SLC14A1: variants seen among roughly 807,000 people sequenced by gnomAD.
SLC14A1 encodes urea transporter 1.
Under a neutral mutation model 39.6 loss-of-function variants are expected in SLC14A1, and 36 were observed. That is an observed-to-expected ratio of 0.91 (90% CI 0.70 to 1.20). The LOEUF (loss-of-function observed/expected upper bound fraction) is 1.20. Among genes scored for constraint, SLC14A1 ranks in the 50% most tolerant of loss-of-function variants. SLC14A1 has a pLI of 0.00. For missense variants in SLC14A1, 469 were observed against 478.7 expected, an observed-to-expected ratio of 0.98 and a Z score of 0.19; for synonymous variants, 164 against 173.6, an observed-to-expected ratio of 0.94 and a Z score of 0.43.
chr18:45,745,115 C>T (rs962229148), intron 8 of SLC14A1, among the ~76,000 whole-genome samples: 6 of 152,154 alleles, frequency 3.9e-5, no homozygotes, highest in South Asian at 2.1e-4. Flanking sequence ...TGGTAGCACG[C>T]GCCTATAGTC....
intron 5 of SLC14A1, among the ~76,000 whole-genome samples, chr18:45,735,049 G>A (rs1157152511): frequency 6.6e-6 from 1 of 152,092 alleles, no homozygotes; most frequent in Non-Finnish European, 1.5e-5. Context: ...ATGAAGATAC[G>A]AGTGCAGGTG....
intron 8 of SLC14A1, among the ~76,000 whole-genome samples, chr18:45,744,577 A>G (rs1012043040): frequency 6.6e-6 from 1 of 151,938 alleles, no homozygotes; most frequent in Admixed American, 6.6e-5. Context: ...GACTCTCTGA[A>G]TTTTCTCTTT....
chr18:45,730,438 G>C lies in SLC14A1; in HGVS notation c.118G>C (p.Gly40Arg). The C allele has an allele frequency of 6.2e-7, 1 of 1,614,160 alleles. No homozygotes were observed. Among genetic ancestry groups the C allele is most frequent in the Non-Finnish European group, 8.5e-7 (1 of 1,180,018 alleles). Reference sequence around the variant, plus strand: ...CCCCAAAGCTCTTGGCTATGTCACCGGTGACATGAAAGAACTTGCCAACCA... The same window carrying C: ...CCCCAAAGCTCTTGGCTATGTCACCCGTGACATGAAAGAACTTGCCAACCA... Reference protein sequence around the residue: ...CFPKALGYVTGDMKELANQLK... With the variant: ...CFPKALGYVTRDMKELANQLK... The change falls in exon 3 of 10, where the codon GGT (glycine) becomes CGT (arginine). Residue 40 changes from glycine to arginine, a missense_variant. Transcript: ENST00000321925.
rs373010473 is a variant in SLC14A1, at chr18:45,730,996, T to C, written c.152-19T>C. The C allele has an allele frequency of 1.2e-6, 2 of 1,613,446 alleles. No individual in the cohort carries two copies. Among genetic ancestry groups the C allele is most frequent in the African/African-American group, 1.3e-5 (1 of 74,932 alleles). ...CACTTGGCAGCTTCCTTAGCTCTGC[T>C]TTACCTCATCCCTTCCAGACAAACC... is the stretch of plus-strand genomic sequence containing the variant. On this transcript the variant is annotated intron_variant, in intron 3 of 9. Transcript: ENST00000321925.
At position 45,739,518 on chromosome 18, in the gene SLC14A1, G is replaced by A. The variant is rs772365791; in HGVS notation, c.812-10G>A. 8.1e-6 allele frequency: 13 copies of A among 1,614,064 alleles called. No individual in the cohort carries two copies. Among genetic ancestry groups the A allele is most frequent in the Non-Finnish European group, 1.0e-5 (12 of 1,179,992 alleles). On this transcript the variant is annotated splice_polypyrimidine_tract_variant and intron_variant, in intron 7 of 9. Transcript: ENST00000321925. ...TTAGTCCTGAGTTCTGACCCCTCCT[G>A]TCTTAACAGGACTCAGTCTTTCAGC...
At chr18:45,738,574 T>A (rs1026767266) in intron 6 of SLC14A1, among the ~76,000 whole-genome samples, 1 of 152,234 alleles carries the variant, frequency 6.6e-6, no homozygotes, top group Admixed American at 6.5e-5. Flanking sequence ...TTTGTTTAAA[T>A]GAATACATGT....
intron 9 of SLC14A1, among the ~76,000 whole-genome samples, chr18:45,748,708 C>CT (rs1317771992): frequency 1.3e-5 from 2 of 152,176 alleles, no homozygotes; most frequent in African/African-American, 2.4e-5. Context: ...GAGTCTAACT[C>CT]TAAGTGATAA....
intron 4 of SLC14A1, chr18:45,733,967 C>G: frequency 2.6e-6 from 1 of 379,428 alleles, no homozygotes; most frequent in Non-Finnish European, 5.0e-6. Context: ...TGAGGTGGAA[C>G]AGTTTCATCC....
rs1368904529 is a variant in SLC14A1 at position 45,746,747 on chromosome 18, G to A, written c.947-1629G>A. Among the ~76,000 whole-genome samples the A allele has an allele frequency of 3.3e-5, 5 of 152,210 alleles. No individual in the cohort carries two copies. The South Asian group carries it at 6.2e-4, about 19-fold the overall frequency. On this transcript the variant is annotated intron_variant, in intron 8 of 9. Transcript: ENST00000321925. ...CTCAGAGCAGTAGCTCAGTCCCATG[G>A]TGAAAGAGATGCATTTACAGCTGTG...
At chr18:45,736,728 CAG>C (rs1308102214) in intron 6 of SLC14A1, 80 bp downstream of exon 6, 3 of 1,240,990 alleles carry the variant, frequency 2.4e-6, no homozygotes, top group East Asian at 4.7e-5. Flanking sequence ...CCACGGGTGT[CAG>C]AGTCTCCTAG....
At position 45,734,312 on chromosome 18, in the gene SLC14A1, C is replaced by T. The variant is rs1054552945; in HGVS notation, c.380C>T (p.Thr127Ile). 10 of 1,613,978 alleles carry T rather than the reference C, an allele frequency of 6.2e-6. No individual in the cohort carries two copies. Among genetic ancestry groups the T allele is most frequent in the Non-Finnish European group, 8.5e-6 (10 of 1,179,950 alleles). Residue 127 changes from threonine to isoleucine, a missense_variant, in exon 5 of 10, where the codon ACC (threonine) becomes ATC (isoleucine). Physicochemically the swap from Thr to Ile is moderately conservative, Grantham distance 89. Coordinates refer to ENST00000321925, the MANE Select transcript of SLC14A1 (RefSeq NM_015865.7). ...IASGLYGYNA[T>I]LVGVLMAVFS... is the part of the protein sequence containing the mutation. ...TCTGGGCTCTATGGCTACAATGCCA[C>T]CCTGGTGGGAGTACTCATGGCTGTC...
chr18:45,729,753 A>T (rs1464580491), intron 2 of SLC14A1: 1 of 152,286 alleles, frequency 6.6e-6, no homozygotes, highest in Non-Finnish European at 1.5e-5. Context: ...AACACACACA[A>T]TTTTAAAAAT....
In SLC14A1 at chr18:45,730,392, A is replaced by T. The variant is rs780450596; in HGVS notation, c.72A>T (p.Pro24=). Residue 24 remains proline (P), a synonymous_variant, in exon 3 of 10, where the codon CCA becomes CCT. Transcript: ENST00000321925. The stretch of plus-strand genomic sequence containing the variant: ...TTAGGGGTGAAAACCAGGTTTCGCC[A>T]TGTCAAGGGAGAAGGTGCTTCCCCA... ...TMVRGENQVS[P]CQGRRCFPKA... is the part of the protein sequence containing the mutation. The T allele has an allele frequency of 1.2e-6, 2 of 1,614,206 alleles. No individual in the cohort carries two copies. Among genetic ancestry groups the T allele is most frequent in the East Asian group, 4.5e-5 (2 of 44,878 alleles).
At chr18:45,737,643 A>G (rs1599286595) in intron 6 of SLC14A1, 1 of 152,344 alleles carries the variant, frequency 6.6e-6, no homozygotes, top group African/African-American at 2.4e-5. Flanking sequence ...AGAACTACCC[A>G]TGAAAAATAA....
chr18:45,727,266 G>A (rs573025360), intron 2 of SLC14A1: 1 of 1,548,950 alleles, frequency 6.5e-7, no homozygotes, highest in Non-Finnish European at 8.7e-7. Flanking sequence ...TTGAGAAAAA[G>A]TAAGGATGAA....
chr18:45,729,969 C>T (rs1412787499), intron 2 of SLC14A1: 1 of 202,092 alleles, frequency 4.9e-6, no homozygotes, highest in East Asian at 1.1e-4. Flanking sequence ...ATTCTGTTAA[C>T]ATTAACTGTT....
intron 8 of SLC14A1, among the ~76,000 whole-genome samples, chr18:45,740,852 A>T (rs2047353598): frequency 6.6e-6 from 1 of 152,166 alleles, no homozygotes; most frequent in Non-Finnish European, 1.5e-5. Context: ...TCCACTTCTA[A>T]CAAGTTCTCA....
intron 4 of SLC14A1, chr18:45,731,631 GAC>G: frequency 3.3e-6 from 1 of 305,156 alleles, no homozygotes; most frequent in Non-Finnish European, 6.4e-6. Flanking sequence ...ATTCTTCATA[GAC>G]AGTGCAAAGG....
chr18:45,736,939 G>GTGGGGC (rs1182825421), intron 6 of SLC14A1, among the ~76,000 whole-genome samples: 1 of 151,818 alleles, frequency 6.6e-6, no homozygotes, highest in Admixed American at 6.6e-5. Context: ...AAGCTTGGGG[G>GTGGGGC]TGGGGGTGAT....
Sources: gnomAD v4.1 joint callset for allele counts (sites outside exome capture counted in the v4.1 genomes callset) on GRCh38, gnomAD v4.1.1 for gene constraint, MANE v1.5 for transcripts, NCBI Gene and HGNC (gene_info 2026-07-23, HGNC 2026-07-21) for gene names.